PRPSAP2: variants seen among roughly 807,000 people sequenced by gnomAD.
The protein encoded by PRPSAP2 is phosphoribosyl pyrophosphate synthetase associated protein 2.
A neutral mutation model predicts 40.6 loss-of-function variants in PRPSAP2; 24 were observed. The ratio of observed to expected loss-of-function variants is 0.59; its 90% CI spans 0.43 to 0.83. The LOEUF (loss-of-function observed/expected upper bound fraction) is 0.83. Ranked by LOEUF, PRPSAP2 falls within the 40% of genes least tolerant of loss-of-function variation. The pLI is 0.00. For synonymous variants in PRPSAP2, 149 were observed against 164.7 expected, an observed-to-expected ratio of 0.90 and a Z score of 0.73; for missense variants, 292 against 465.6, an observed-to-expected ratio of 0.63 and a Z score of 3.43.
intron 5 of PRPSAP2, among the ~76,000 whole-genome samples, chr17:18,874,008 T>A (rs2038091040): frequency 6.6e-6 from 1 of 151,826 alleles, no homozygotes; most frequent in Non-Finnish European, 1.5e-5. Flanking sequence ...GGGCTCAAAC[T>A]ATCCTCCTCC....
chr17:18,919,265 T>C (rs568882876), intron 9 of PRPSAP2, among the ~76,000 whole-genome samples: 1 of 152,132 alleles, frequency 6.6e-6, no homozygotes, highest in African/African-American at 2.4e-5. Flanking sequence ...TCCCAGCACT[T>C]TGGGAGGCCG....
intron 9 of PRPSAP2, among the ~76,000 whole-genome samples, chr17:18,912,055 G>A (rs2040992145): frequency 6.6e-6 from 1 of 152,186 alleles, no homozygotes; most frequent in Non-Finnish European, 1.5e-5. Context: ...GGTGGCGTAT[G>A]CCTGTAATCC....
intron 10 of PRPSAP2, among the ~76,000 whole-genome samples, chr17:18,925,634 G>T (rs2041927159): frequency 6.6e-6 from 1 of 152,218 alleles, no homozygotes; most frequent in African/African-American, 2.4e-5. Context: ...TGGTGCAAAA[G>T]TGTGAGAGTT....
At chr17:18,918,184 G>C (rs1423184017) in intron 9 of PRPSAP2, among the ~76,000 whole-genome samples, 1 of 152,158 alleles carries the variant, frequency 6.6e-6, no homozygotes, top group Non-Finnish European at 1.5e-5. Context: ...AGGCCATCTG[G>C]GCAGGGGTTA....
chr17:18,873,253 A>ACGCGATCTCGGCTTAC (rs1203794824), intron 5 of PRPSAP2, among the ~76,000 whole-genome samples: 24 of 52,158 alleles, frequency 4.6e-4, no homozygotes, highest in African/African-American at 1.8e-3. Context: ...GAGTGCAATG[A>ACGCGATCTCGGCTTAC]CGCGATCTCG....
At chr17:18,901,745 A>G (rs2040283838) in intron 8 of PRPSAP2, among the ~76,000 whole-genome samples, 1 of 151,766 alleles carries the variant, frequency 6.6e-6, no homozygotes, top group Admixed American at 6.6e-5. Flanking sequence ...AGGAGTATTA[A>G]TAATCCTTCC....
chr17:18,862,416 C>G (rs2037091868), intron 1 of PRPSAP2, among the ~76,000 whole-genome samples: 1 of 151,684 alleles, frequency 6.6e-6, no homozygotes, highest in African/African-American at 2.4e-5. Context: ...TCCTGCTGTA[C>G]TTTAAGGAGC....
chr17:18,863,056 G>C (rs571659749), intron 1 of PRPSAP2, among the ~76,000 whole-genome samples: 2 of 151,964 alleles, frequency 1.3e-5, no homozygotes, highest in African/African-American at 2.4e-5. Flanking sequence ...TCCTGACCTC[G>C]TGATCCACCT....
In PRPSAP2 at chr17:18,926,236, A is replaced by ATTATTTATTTAT. The variant is rs35064082; in HGVS notation, c.804+2275_804+2286dup. ...TTTCCCCCCGTTCTAGTGCCACTGC[A>ATTATTTATTTAT]TTATTTATTTATTTATTTATTTATT... is the stretch of plus-strand genomic sequence containing the variant. On this transcript the variant is annotated intron_variant, in intron 10 of 11. Coordinates refer to ENST00000268835, the MANE Select transcript of PRPSAP2 (RefSeq NM_002767.4). Among the ~76,000 whole-genome samples the ATTATTTATTTAT allele has an allele frequency of 5.5e-3, 801 of 145,232 alleles. 6 individuals carry two copies. The highest frequency in any genetic ancestry group is 0.015 in the African/African-American group (582 of 39,362).
At chr17:18,926,273 A>T (rs368888020) in intron 10 of PRPSAP2, among the ~76,000 whole-genome samples, 157 of 108,320 alleles carry the variant, frequency 1.4e-3, no homozygotes, top group African/African-American at 4.4e-3. Flanking sequence ...ATTTATTTCT[A>T]TTTTTTTTTT....
intron 8 of PRPSAP2, among the ~76,000 whole-genome samples, chr17:18,897,187 G>A: frequency 6.6e-6 from 1 of 151,786 alleles, no homozygotes; most frequent in East Asian, 1.9e-4. Flanking sequence ...CCAACTCGTG[G>A]CCTCAAGTGA....
chr17:18,922,499 G>A (rs1456759481), intron 9 of PRPSAP2, among the ~76,000 whole-genome samples: 1 of 151,932 alleles, frequency 6.6e-6, no homozygotes, highest in Admixed American at 6.6e-5. Flanking sequence ...GCATCTCATT[G>A]TGATTTTGAT....
At chr17:18,924,043 A>G in intron 10 of PRPSAP2, 59 bp downstream of exon 10, 3 of 1,485,544 alleles carry the variant, frequency 2.0e-6, no homozygotes, top group Non-Finnish European at 2.8e-6. Context: ...CTGTTGATTG[A>G]TTGATTGATT....
chr17:18,909,343 G>A (rs530773278), intron 8 of PRPSAP2, among the ~76,000 whole-genome samples: 1 of 147,918 alleles, frequency 6.8e-6, no homozygotes, highest in African/African-American at 2.5e-5. Context: ...CCAGGTTCAC[G>A]CCATTCTCCT....
At chr17:18,897,839 A>G (rs1362395652) in intron 8 of PRPSAP2, among the ~76,000 whole-genome samples, 4 of 152,140 alleles carry the variant, frequency 2.6e-5, no homozygotes, top group African/African-American at 7.2e-5. Context: ...TATACAAAAC[A>G]TATTACAATA....
rs149614767 is a variant in PRPSAP2, at chr17:18,872,647, G to T, written c.237G>T (p.Ser79=). 1 of 1,587,360 alleles carries T rather than the reference G, an allele frequency of 6.3e-7. No individual in the cohort carries two copies. Residue 79 remains serine, a splice_region_variant and synonymous_variant, in exon 5 of 12, where the codon TCG becomes TCT. Transcript: ENST00000268835. ...GKDVFIIQTV[S]KDVNTTIMEL... is the part of the protein sequence containing the mutation. ...ATGTTTTCATCATCCAAACTGTTTC[G>T]AAGTGAGTATCCAGCAAAAGTGTTG... is the stretch of plus-strand genomic sequence containing the variant.
intron 6 of PRPSAP2, among the ~76,000 whole-genome samples, chr17:18,878,599 C>T (rs1248868466): frequency 1.3e-5 from 2 of 151,938 alleles, no homozygotes; most frequent in African/African-American, 4.8e-5. Context: ...CTCCTGTTGC[C>T]CAGGCTGGAG....
chr17:18,881,489 C>T (rs183289853), intron 6 of PRPSAP2, among the ~76,000 whole-genome samples: 3,032 of 151,986 alleles, frequency 0.02, 45 homozygotes, highest in Non-Finnish European at 0.029. Context: ...CCACCCGCCT[C>T]GGCCTCCCAA....
At chr17:18,893,651 T>A (rs1597639959) in intron 8 of PRPSAP2, among the ~76,000 whole-genome samples, 1 of 151,178 alleles carries the variant, frequency 6.6e-6, no homozygotes, top group Non-Finnish European at 1.5e-5. Flanking sequence ...GCTACTTGGG[T>A]GGCTGAGGTG....
Sources: allele counts gnomAD v4.1 joint callset (sites outside exome capture counted in the v4.1 genomes callset), GRCh38; gene constraint gnomAD v4.1.1; transcripts MANE v1.5; gene names NCBI Gene and HGNC (gene_info 2026-07-23, HGNC 2026-07-21).